Variants in HSPA12B observed in about 807,000 individuals in gnomAD.
The protein encoded by HSPA12B is heat shock 70 kDa protein 12B.
Under a neutral mutation model 69.3 loss-of-function variants are expected in HSPA12B, and 54 were observed. The observed-to-expected ratio is 0.78, with a 90% confidence interval of 0.63 to 0.98. The LOEUF (loss-of-function observed/expected upper bound fraction) is 0.98. Ranked by LOEUF, HSPA12B falls within the 50% of genes least tolerant of loss-of-function variation. HSPA12B has a pLI of 0.00. For missense variants in HSPA12B, 929 were observed against 999.8 expected (o/e 0.93, Z 0.96); for synonymous variants, 441 against 436.5 (o/e 1.01, Z -0.13).
At chr20:3,742,950 T>G (rs182511208) in intron 4 of HSPA12B, among the ~76,000 whole-genome samples, 2,039 of 152,098 alleles carry the variant, frequency 0.013, 18 homozygotes, top group Middle Eastern at 0.048. Context: ...CTCAGCTCAC[T>G]GCAAGCTCTG....
In HSPA12B at chr20:3,751,743, C is replaced by G; in HGVS notation, c.1638C>G (p.Gly546=). 6.6e-7 allele frequency: 1 copy of G among 1,520,470 alleles called. No individual in the cohort carries two copies. Among genetic ancestry groups the G allele is most frequent in the South Asian group, 1.2e-5 (1 of 82,222 alleles). The allele number at this position is 1,520,470 out of a possible 1,614,324, so 94.2% of individuals were successfully genotyped here. Residue 546 remains glycine (G), a synonymous_variant, in exon 13 of 13, where the codon GGC becomes GGG. Coordinates refer to ENST00000254963, the MANE Select transcript of HSPA12B (RefSeq NM_052970.5). ...VRRSPLTYGV[G]VLNRFVPGRH... ...GCTCGCCGCTCACCTATGGCGTGGGCGTGCTCAACCGCTTTGTGCCTGGGC... is the reference window on the plus strand; with the variant it reads ...GCTCGCCGCTCACCTATGGCGTGGGGGTGCTCAACCGCTTTGTGCCTGGGC...
intron 2 of HSPA12B, among the ~76,000 whole-genome samples, chr20:3,739,407 G>A (rs1461729601): frequency 6.6e-6 from 1 of 152,246 alleles, no homozygotes. Context: ...TCTGGCCATA[G>A]CCTGGTCTGG....
chr20:3,739,827 G>A (rs1334286717), intron 2 of HSPA12B, among the ~76,000 whole-genome samples: 1 of 152,168 alleles, frequency 6.6e-6, no homozygotes, highest in Non-Finnish European at 1.5e-5. Context: ...CCTAAGGCGA[G>A]CCAGACCTGC....
At position 3,749,973 on chromosome 20, in the gene HSPA12B, C is replaced by T; in HGVS notation, c.1047C>T (p.Gly349=). 1 of 1,564,816 alleles carries T rather than the reference C, an allele frequency of 6.4e-7. No individual in the cohort carries two copies. Among genetic ancestry groups the T allele is most frequent in the Non-Finnish European group, 8.7e-7 (1 of 1,154,040 alleles). ...TLKELYKASG[G]PYGAVGVDLA... ...TCGCCCCCTGCTCCACCCCAGGGGG[C>T]CCTTATGGCGCGGTGGGCGTGGACC... The change falls in exon 11 of 13, where the codon GGC becomes GGT. Residue 349 remains glycine (G), a synonymous_variant. Coordinates refer to ENST00000254963, the MANE Select transcript of HSPA12B (RefSeq NM_052970.5). The surrounding 1 kb of genome is among the most constrained non-coding windows in gnomAD (Gnocchi z 5.5).
Position 3,750,078 on chromosome 20 carries a change from G to A in HSPA12B, c.1152G>A (p.Trp384Ter). ...ATFKRQRPAA[W>*]VDLTIAFEAR... is the part of the protein sequence containing the mutation. ...TCAAAAGGCAACGGCCGGCAGCCTG[G>A]GTAGATCTGACCATCGCCTTCGAGG... The change falls in exon 11 of 13, where the codon TGG (tryptophan) becomes TGA (stop). Residue 384 changes from tryptophan (W) to a stop codon, truncating the protein, a stop_gained. Transcript: ENST00000254963. LOFTEE classifies it high-confidence loss of function. The A allele has an allele frequency of 6.2e-7, 1 of 1,612,080 alleles. No individual in the cohort carries two copies. Among genetic ancestry groups the A allele is most frequent in the Non-Finnish European group, 8.5e-7 (1 of 1,179,608 alleles).
At chr20:3,733,315 C>T (rs1037288311) in intron 1 of HSPA12B, among the ~76,000 whole-genome samples, 2 of 151,994 alleles carry the variant, frequency 1.3e-5, no homozygotes, top group African/African-American at 4.8e-5. Context: ...TCCAGGTTCC[C>T]GCTAGGGCAG....
chr20:3,751,002 C>T, intron 12 of HSPA12B, 95 bp downstream of exon 12: 1 of 1,053,458 alleles, frequency 9.5e-7, no homozygotes, highest in East Asian at 2.4e-5. Flanking sequence ...CTCCACACAT[C>T]CATACACTGT....
rs1364759957 is a variant in HSPA12B at position 3,750,230 on chromosome 20, G to A, written c.1301+3G>A. The A allele has an allele frequency of 1.0e-5, 16 of 1,590,512 alleles. No individual in the cohort carries two copies. Among genetic ancestry groups the A allele is most frequent in the Middle Eastern group, 1.7e-4 (1 of 5,996 alleles). ...GAGACCGCTCTGCGCAGGAGCAGGT[G>A]GGTCCTGAGCCCGCGGGCTCAGGCA... On this transcript the variant is annotated splice_donor_region_variant and intron_variant, in intron 11 of 12. Transcript: ENST00000254963.
At position 3,749,855 on chromosome 20, in the gene HSPA12B, G is replaced by C; in HGVS notation, c.1042+1G>C. On this transcript the variant is annotated splice_donor_variant, in intron 10 of 12. Transcript: ENST00000254963. LOFTEE classifies it high-confidence loss of function. This position sits in a 1 kb window ranked among gnomAD's most constrained non-coding sequence, Gnocchi z 5.5. ...CTCAAGGAGCTCTACAAGGCATCTGGTGAGTAGCCAGGCGGCGCCCCGGTA... is the reference window on the plus strand; with the variant it reads ...CTCAAGGAGCTCTACAAGGCATCTGCTGAGTAGCCAGGCGGCGCCCCGGTA... The C allele has an allele frequency of 6.2e-7, 1 of 1,600,750 alleles. No homozygotes were observed. Among genetic ancestry groups the C allele is most frequent in the Non-Finnish European group, 8.5e-7 (1 of 1,174,034 alleles).
In HSPA12B at chr20:3,748,204, C is replaced by T; in HGVS notation, c.676-13C>T. 2.0e-6 allele frequency: 3 copies of T among 1,533,826 alleles called. No homozygotes were observed. The highest frequency in any genetic ancestry group is 2.6e-6 in the Non-Finnish European group (3 of 1,133,478). ...CACAGTGCTGCCTGACCCTGCCCACCACCCATCCCCAGGCTGGACTAGTGT... is the reference window on the plus strand; with the variant it reads ...CACAGTGCTGCCTGACCCTGCCCACTACCCATCCCCAGGCTGGACTAGTGT... On this transcript the variant is annotated splice_polypyrimidine_tract_variant and intron_variant, in intron 7 of 12. Coordinates refer to ENST00000254963, the MANE Select transcript of HSPA12B (RefSeq NM_052970.5).
At position 3,740,566 on chromosome 20, in the gene HSPA12B, G is replaced by A. The variant is rs1035143056; in HGVS notation, c.44-249G>A. Among the ~76,000 whole-genome samples the A allele has an allele frequency of 6.6e-6, 1 of 152,188 alleles. No individual in the cohort carries two copies. The highest frequency in any genetic ancestry group is 2.1e-4 in the South Asian group (1 of 4,834). Reference sequence around the variant, plus strand: ...TGTGTGTCTGAGGGGCCCTAGTGGGGAGACAGTGAGCTCCTGGGGAAAGCA... The same window carrying A: ...TGTGTGTCTGAGGGGCCCTAGTGGGAAGACAGTGAGCTCCTGGGGAAAGCA... On this transcript the variant is annotated intron_variant, in intron 2 of 12. Coordinates refer to ENST00000254963, the MANE Select transcript of HSPA12B (RefSeq NM_052970.5). This position sits in a 1 kb window ranked among gnomAD's most constrained non-coding sequence, Gnocchi z 4.9.
At position 3,749,679 on chromosome 20, in the gene HSPA12B, G is replaced by A. The variant is rs949958351; in HGVS notation, c.938-71G>A. 8.6e-6 allele frequency: 10 copies of A among 1,167,524 alleles called. No individual in the cohort carries two copies. The highest frequency in any genetic ancestry group is 1.5e-5 in the African/African-American group (1 of 64,716). 72.3% of individuals were successfully genotyped at this position (1,167,524 alleles called of 1,614,324 possible). A position where few individuals can be genotyped will look rare whatever the true frequency, so the allele number is the denominator to read the frequency against. On this transcript the variant is annotated intron_variant, in intron 9 of 12. Coordinates refer to ENST00000254963, the MANE Select transcript of HSPA12B (RefSeq NM_052970.5). This position sits in a 1 kb window ranked among gnomAD's most constrained non-coding sequence, Gnocchi z 5.5. The stretch of plus-strand genomic sequence containing the variant: ...CCCGGGGCAGGGCTGGAGGCTGGGC[G>A]AGGCTGGAGGGGGCGCAGGGCTGAG...
Position 3,735,171 on chromosome 20 carries a change from C to T in HSPA12B, c.-18+2377C>T, listed in dbSNP as rs182325654. On this transcript the variant is annotated intron_variant, in intron 1 of 12. Transcript: ENST00000254963. ...CATCATGAAGGGAAAGAACACTGCT[C>T]AAACCTGCCCAACTCCCTGCTTTTA... Among the ~76,000 whole-genome samples the T allele has an allele frequency of 1.0e-3, 156 of 152,328 alleles. 1 individual carries two copies. Among genetic ancestry groups the T allele is most frequent in the East Asian group, 3.7e-3 (19 of 5,186 alleles).
rs369809848 is a variant in HSPA12B at position 3,740,159 on chromosome 20, T to TG, written c.44-650dup. Among the ~76,000 whole-genome samples, 3 of 151,538 alleles carry TG rather than the reference T, an allele frequency of 2.0e-5. No homozygotes were observed. The highest frequency in any genetic ancestry group is 7.3e-5 in the African/African-American group (3 of 41,012). On this transcript the variant is annotated intron_variant, in intron 2 of 12. Transcript: ENST00000254963. This position sits in a 1 kb window ranked among gnomAD's most constrained non-coding sequence, Gnocchi z 4.9. ...CTCAGGGTGTGTGTATGTGTGTGTG[T>TG]GGGGGGTGGGAATCAGACTTCCTAA...
intron 7 of HSPA12B, among the ~76,000 whole-genome samples, chr20:3,746,618 T>C (rs1261669701): frequency 2.0e-5 from 3 of 152,092 alleles, no homozygotes; most frequent in Non-Finnish European, 2.9e-5. Context: ...GAGAGTCTTA[T>C]ATGTGAGGTC....
chr20:3,752,224 G>T lies in HSPA12B; in HGVS notation c.*58G>T. 1 of 1,405,144 alleles carries T rather than the reference G, an allele frequency of 7.1e-7. No individual in the cohort carries two copies. The highest frequency in any genetic ancestry group is 2.7e-5 in the East Asian group (1 of 37,134). 87.0% of individuals were successfully genotyped at this position (1,405,144 alleles called of 1,614,324 possible). On this transcript the variant is annotated 3_prime_UTR_variant, in exon 13 of 13. Transcript: ENST00000254963. ...CCGGCCCCGCCCTCTTTCGGTTCAGGGGCCTGCGGAGCGGGTTGGGGCGGG... is the reference window on the plus strand; with the variant it reads ...CCGGCCCCGCCCTCTTTCGGTTCAGTGGCCTGCGGAGCGGGTTGGGGCGGG...
chr20:3,745,927 C>T lies in HSPA12B; in HGVS notation c.571C>T (p.Gln191Ter). The change falls in exon 7 of 13, where the codon CAG becomes TAG. Residue 191 changes from glutamine (Q) to a stop codon, truncating the protein, a stop_gained. Transcript: ENST00000254963. LOFTEE classifies it high-confidence loss of function. The surrounding 1 kb of genome is among the most constrained non-coding windows in gnomAD (Gnocchi z 5.6). ...CCTCCTGTACCAGGAGCTGAGGGAG[C>T]AGAGCCCATCGCTGCCAGAGAAGGA... ...REHALQELRE[Q>*]SPSLPEKDTV... is the part of the protein sequence containing the mutation. 6.2e-7 allele frequency: 1 copy of T among 1,614,014 alleles called. No homozygotes were observed. The highest frequency in any genetic ancestry group is 8.5e-7 in the Non-Finnish European group (1 of 1,179,918).
rs2088265457 is a variant in HSPA12B at position 3,744,790 on chromosome 20, AG to A, written c.267-111del. 1.6e-5 allele frequency: 16 copies of A among 972,272 alleles called. No homozygotes were observed. The highest frequency in any genetic ancestry group is 2.5e-5 in the Non-Finnish European group (16 of 643,292). The allele number at this position is 972,272 out of a possible 1,614,324, so 60.2% of individuals were successfully genotyped here. A position where few individuals can be genotyped will look rare whatever the true frequency, so the allele number is the denominator to read the frequency against. ...CCTGCTGCCTATGGAGCCGACCCAT[AG>A]CTAGTTCTCCCTGCTCTTTCACATC... On this transcript the variant is annotated intron_variant, in intron 4 of 12. Coordinates refer to ENST00000254963, the MANE Select transcript of HSPA12B (RefSeq NM_052970.5). This position sits in a 1 kb window ranked among gnomAD's most constrained non-coding sequence, Gnocchi z 4.9.
In HSPA12B at chr20:3,737,480, T is replaced by C. The variant is rs1194957434; in HGVS notation, c.-17-1178T>C. Reference sequence around the variant, plus strand: ...TCTTAAGAAAAGAAGTTCTAGCTCATGTCACCTCTTGCTCACTCCTCACCT... The same window carrying C: ...TCTTAAGAAAAGAAGTTCTAGCTCACGTCACCTCTTGCTCACTCCTCACCT... On this transcript the variant is annotated intron_variant, in intron 1 of 12. Coordinates refer to ENST00000254963, the MANE Select transcript of HSPA12B (RefSeq NM_052970.5). This position sits in a 1 kb window ranked among gnomAD's most constrained non-coding sequence, Gnocchi z 4.1. 1.3e-5 allele frequency among the ~76,000 whole-genome samples: 2 copies of C among 151,858 alleles called. No homozygotes were observed. The highest frequency in any genetic ancestry group is 4.8e-5 in the African/African-American group (2 of 41,344).
Sources: allele counts gnomAD v4.1 joint callset (sites outside exome capture counted in the v4.1 genomes callset), GRCh38; gene constraint gnomAD v4.1.1; non-coding constraint Gnocchi (gnomAD v3.1); transcripts MANE v1.5; gene names NCBI Gene and HGNC (gene_info 2026-07-23, HGNC 2026-07-21).